RCAN1: variants seen among roughly 807,000 people sequenced by gnomAD.
RCAN1 encodes regulator of calcineurin 1, also known as calcipressin-1.
A neutral mutation model predicts 22.9 loss-of-function variants in RCAN1; 11 were observed. The ratio of observed to expected loss-of-function variants is 0.48; its 90% CI spans 0.30 to 0.79. The LOEUF is 0.79. RCAN1 is among the 30% of genes least tolerant of loss of function. The pLI is 0.06. For synonymous variants in RCAN1, 136 were observed against 142.3 expected (o/e 0.96, Z 0.32); for missense variants, 291 against 337.8 (o/e 0.86, Z 1.09).
chr21:34,546,268 C>T (rs1190304786), intron 1 of RCAN1, among the ~76,000 whole-genome samples: 1 of 152,154 alleles, frequency 6.6e-6, no homozygotes, highest in African/African-American at 2.4e-5. Context: ...TACATTTCTT[C>T]CCAGCAGGCC....
chr21:34,526,823 G>A, intron 1 of RCAN1: 2 of 1,541,566 alleles, frequency 1.3e-6, no homozygotes, highest in Non-Finnish European at 8.7e-7. Context: ...CCAAGAGGCT[G>A]TAGGTTCCTT....
At chr21:34,562,506 C>CG (rs1349598557) in intron 1 of RCAN1, among the ~76,000 whole-genome samples, 2 of 152,178 alleles carry the variant, frequency 1.3e-5, no homozygotes, top group Non-Finnish European at 2.9e-5. Flanking sequence ...GGTGGTGCCA[C>CG]CTCAGTCCCT....
intron 1 of RCAN1, among the ~76,000 whole-genome samples, chr21:34,561,013 G>A (rs1036250705): frequency 2.4e-4 from 37 of 152,160 alleles, no homozygotes; most frequent in Admixed American, 2.4e-3. Flanking sequence ...CCCTCATCCT[G>A]TTCTGGTGAT....
rs1454385749 is a variant in RCAN1, at chr21:34,518,160, A to G, written c.683T>C (p.Met228Thr). ...SDQEKEEEEE[M>T]ERMRRPKPKI... Reference sequence around the variant, plus strand: ...TGGCTTAGGTCTCCTCATTCTTTCCATTTCCTCTTCTTCCTCCTTCTCTTG... The same window carrying G: ...TGGCTTAGGTCTCCTCATTCTTTCCGTTTCCTCTTCTTCCTCCTTCTCTTG... The change falls in exon 4 of 4, where the codon ATG becomes ACG. Residue 228 changes from methionine (M) to threonine (T), a missense_variant. Met to Thr is a moderately conservative substitution (Grantham distance 81). Coordinates refer to ENST00000313806, the MANE Select transcript of RCAN1 (RefSeq NM_004414.7). The surrounding 1 kb of genome is among the most constrained non-coding windows in gnomAD (Gnocchi z 4.2). 8.7e-6 allele frequency: 14 copies of G among 1,613,948 alleles called. No individual in the cohort carries two copies. The highest frequency in any genetic ancestry group is 1.1e-5 in the Non-Finnish European group (13 of 1,179,996).
rs116183606 is a variant in RCAN1 at position 34,580,967 on chromosome 21, A to C, written c.252+33793T>G. ...TATGGAAAAGGAGGGGTGAGAAGGA[A>C]GAAGAGAGTTTTAGGCCAAAAGCTC... is the stretch of plus-strand genomic sequence containing the variant. On this transcript the variant is annotated intron_variant, in intron 1 of 3. Transcript: ENST00000313806. 6.0e-3 allele frequency among the ~76,000 whole-genome samples: 911 copies of C among 152,294 alleles called. 7 individuals carry two copies. The highest frequency in any genetic ancestry group is 0.021 in the African/African-American group (862 of 41,564).
intron 1 of RCAN1, chr21:34,559,770 T>C (rs1986720665): frequency 6.6e-6 from 1 of 152,218 alleles, no homozygotes; most frequent in South Asian, 2.1e-4. Flanking sequence ...TCCTTACCTT[T>C]GAAGAAAGGA....
Position 34,614,948 on chromosome 21 carries a change from C to A in RCAN1, c.64G>T (p.Ala22Ser), listed in dbSNP as rs1204344175. The change falls in exon 1 of 4, where the codon GCG (alanine) becomes TCG (serine). Residue 22 changes from alanine to serine, a missense_variant. Coordinates refer to ENST00000313806, the MANE Select transcript of RCAN1 (RefSeq NM_004414.7). This position sits in a 1 kb window ranked among gnomAD's most constrained non-coding sequence, Gnocchi z 6.0. ...AGCGTCACCCCGGGCCGCGCTCGCG[C>A]CTCGGCCGCCTCCGCCGCCTCCGCC... ...AAAEAAEAAE[A>S]RARPGVTLRP... The A allele has an allele frequency of 5.9e-6, 7 of 1,182,718 alleles. No individual in the cohort carries two copies. In the African/African-American group the frequency reaches 1.1e-4, roughly 19 times the overall value. 73.3% of individuals were successfully genotyped at this position (1,182,718 alleles called of 1,614,324 possible). A position where few individuals can be genotyped will look rare whatever the true frequency, so the allele number is the denominator to read the frequency against.
chr21:34,571,140 A>G (rs1205104809), intron 1 of RCAN1, among the ~76,000 whole-genome samples: 1 of 152,068 alleles, frequency 6.6e-6, no homozygotes, highest in Non-Finnish European at 1.5e-5. Flanking sequence ...CTAAAAATAC[A>G]AAATTAGCCG....
chr21:34,521,261 A>AG, intron 3 of RCAN1: 1 of 1,438,782 alleles, frequency 7.0e-7, no homozygotes, highest in South Asian at 1.5e-5. Flanking sequence ...CGGGGGGTGG[A>AG]GGGGCGTGAT....
In RCAN1 at chr21:34,563,754, CAAAAAA is replaced by C. The variant is rs58299654; in HGVS notation, c.253-40050_253-40045del. 9.3e-4 allele frequency among the ~76,000 whole-genome samples: 41 copies of C among 44,314 alleles called. No homozygotes were observed. The South Asian group carries it at 9.5e-3, about 10-fold the overall frequency. 29.1% of individuals were successfully genotyped at this position (44,314 alleles called of 152,430 possible). The stretch of plus-strand genomic sequence containing the variant: ...TGAAACCCATCTCTACTAAAAATAC[CAAAAAA>C]AAAAAAAAAAATATATATATATATA... On this transcript the variant is annotated intron_variant, in intron 1 of 3. Transcript: ENST00000313806.
At chr21:34,555,829 G>A (rs898512985) in intron 1 of RCAN1, among the ~76,000 whole-genome samples, 9 of 151,694 alleles carry the variant, frequency 5.9e-5, no homozygotes, top group African/African-American at 1.7e-4. Context: ...TTGGGAGGCC[G>A]AGGCAGGTGG....
chr21:34,550,010 G>A (rs1251343859), intron 1 of RCAN1, among the ~76,000 whole-genome samples: 2 of 152,160 alleles, frequency 1.3e-5, no homozygotes, highest in African/African-American at 4.8e-5. Flanking sequence ...TGATGAGGTG[G>A]AGTATGGAAG....
At chr21:34,552,561 G>C (rs1171401289) in intron 1 of RCAN1, among the ~76,000 whole-genome samples, 5 of 152,204 alleles carry the variant, frequency 3.3e-5, no homozygotes, top group African/African-American at 1.2e-4. Context: ...ATGTTTACCA[G>C]GTTGCCAAAG....
At chr21:34,559,467 A>C (rs547201431) in intron 1 of RCAN1, 1 of 152,312 alleles carries the variant, frequency 6.6e-6, no homozygotes, top group South Asian at 2.1e-4. Context: ...TAAGGTATAC[A>C]AATGCCCTGC....
At chr21:34,549,398 A>G (rs1427875744) in intron 1 of RCAN1, among the ~76,000 whole-genome samples, 2 of 152,160 alleles carry the variant, frequency 1.3e-5, no homozygotes, top group Non-Finnish European at 2.9e-5. Flanking sequence ...TCTAACCTGA[A>G]GGTGGTTCAG....
intron 1 of RCAN1, chr21:34,613,977 C>G: frequency 1.3e-6 from 1 of 749,790 alleles, no homozygotes; most frequent in South Asian, 4.7e-5. Context: ...TTATTCTGCA[C>G]AATAACTGCA....
chr21:34,551,810 T>C (rs1986378965), intron 1 of RCAN1, among the ~76,000 whole-genome samples: 1 of 152,108 alleles, frequency 6.6e-6, no homozygotes, highest in South Asian at 2.1e-4. Flanking sequence ...AATCTTAGAA[T>C]GAAGACTTAG....
chr21:34,613,233 T>C (rs1988729136), intron 1 of RCAN1, among the ~76,000 whole-genome samples: 1 of 152,212 alleles, frequency 6.6e-6, no homozygotes, highest in African/African-American at 2.4e-5. Flanking sequence ...CTCCCAGATC[T>C]CCACTCCCTC....
chr21:34,577,070 G>A (rs1030808868), intron 1 of RCAN1, among the ~76,000 whole-genome samples: 1 of 152,200 alleles, frequency 6.6e-6, no homozygotes, highest in Non-Finnish European at 1.5e-5. Flanking sequence ...CCAGGCGGAG[G>A]CAACTGCAGT....
Sources: gnomAD v4.1 joint callset for allele counts (sites outside exome capture counted in the v4.1 genomes callset) on GRCh38, gnomAD v4.1.1 for gene constraint, Gnocchi (gnomAD v3.1) non-coding constraint, MANE v1.5 for transcripts, NCBI Gene and HGNC (gene_info 2026-07-23, HGNC 2026-07-21) for gene names.